ARHGAP10: variants seen among roughly 807,000 people sequenced by gnomAD.
The protein encoded by ARHGAP10 is Rho GTPase activating protein 10.
ARHGAP10 carries 87 observed loss-of-function variants against 108.6 expected under a neutral mutation model. The observed-to-expected ratio is 0.80, with a 90% CI of 0.67 to 0.96. The LOEUF is 0.96. Ranked by LOEUF, ARHGAP10 falls within the 40% of genes least tolerant of loss-of-function variation. The pLI is 0.00. For synonymous variants in ARHGAP10, 347 were observed against 341.1 expected, an observed-to-expected ratio of 1.02 and a Z score of -0.19; for missense variants, 939 against 954.5, an observed-to-expected ratio of 0.98 and a Z score of 0.21.
chr4:147,804,815 T>A (rs1731718483), intron 1 of ARHGAP10, among the ~76,000 whole-genome samples: 1 of 152,206 alleles, frequency 6.6e-6, no homozygotes, highest in Non-Finnish European at 1.5e-5. Flanking sequence ...TTGCCCACTT[T>A]TTAATGAGGT....
chr4:147,836,656 A>G (rs1471142032), intron 3 of ARHGAP10, among the ~76,000 whole-genome samples: 1 of 142,324 alleles, frequency 7.0e-6, no homozygotes, highest in African/African-American at 2.5e-5. Context: ...CCTTAAATCT[A>G]AGTACCAAGT....
At chr4:147,774,436 C>A (rs1051407007) in intron 1 of ARHGAP10, among the ~76,000 whole-genome samples, 13 of 152,260 alleles carry the variant, frequency 8.5e-5, no homozygotes, top group African/African-American at 3.1e-4. Flanking sequence ...AAAACATGAC[C>A]TGGGTTTGTG....
rs28496289 is a variant in ARHGAP10 at position 147,918,220 on chromosome 4, C to G, written c.1228+5081C>G. 6.2e-3 allele frequency among the ~76,000 whole-genome samples: 918 copies of G among 148,252 alleles called. 12 individuals carry two copies. The highest frequency in any genetic ancestry group is 0.022 in the African/African-American group (875 of 39,350). On this transcript the variant is annotated intron_variant, in intron 13 of 22. Coordinates refer to ENST00000336498, the MANE Select transcript of ARHGAP10 (RefSeq NM_024605.4). Reference sequence around the variant, plus strand: ...GCTTGATCTCGGCTCACTGCAAGCTCTGTCTCCTGGGTTCACACCATTCTC... The same window carrying G: ...GCTTGATCTCGGCTCACTGCAAGCTGTGTCTCCTGGGTTCACACCATTCTC...
At chr4:148,000,803 GTTCT>G (rs1740686931) in intron 18 of ARHGAP10, among the ~76,000 whole-genome samples, 1 of 152,160 alleles carries the variant, frequency 6.6e-6, no homozygotes, top group Admixed American at 6.5e-5. Context: ...ATTTGTTTGA[GTTCT>G]TTGTGATTCT....
chr4:147,828,414 G>A (rs1248714728), intron 3 of ARHGAP10, among the ~76,000 whole-genome samples: 1 of 152,206 alleles, frequency 6.6e-6, no homozygotes, highest in Non-Finnish European at 1.5e-5. Context: ...TAAATAGGCT[G>A]TATTAAGTAT....
chr4:147,838,990 C>T (rs1470416882), intron 3 of ARHGAP10, among the ~76,000 whole-genome samples: 1 of 152,094 alleles, frequency 6.6e-6, no homozygotes, highest in Admixed American at 6.6e-5. Flanking sequence ...ATGGGAAAGT[C>T]CACTCCTTTA....
chr4:147,773,337 C>A (rs560257754), intron 1 of ARHGAP10, among the ~76,000 whole-genome samples: 11 of 152,194 alleles, frequency 7.2e-5, no homozygotes, highest in African/African-American at 2.6e-4. Flanking sequence ...TTTGCTGCAT[C>A]CTATATGCCT....
At chr4:147,854,823 A>G (rs1734024067) in intron 4 of ARHGAP10, 1 of 985,444 alleles carries the variant, frequency 1.0e-6, no homozygotes, top group Non-Finnish European at 1.2e-6. Flanking sequence ...ATGGACGAAG[A>G]TATTTCTATT....
intron 4 of ARHGAP10, among the ~76,000 whole-genome samples, chr4:147,856,972 C>T (rs148042771): frequency 8.5e-4 from 129 of 152,322 alleles, no homozygotes; most frequent in African/African-American, 2.9e-3. Context: ...CACGCCTCAG[C>T]CTCCTGAGTA....
At chr4:147,977,908 A>C (rs1288281111) in intron 18 of ARHGAP10, among the ~76,000 whole-genome samples, 1 of 151,916 alleles carries the variant, frequency 6.6e-6, no homozygotes, top group Non-Finnish European at 1.5e-5. Flanking sequence ...GAAAACATGT[A>C]GTAGTTCGTT....
chr4:147,743,328 G>A (rs1310088151), intron 1 of ARHGAP10, among the ~76,000 whole-genome samples: 1 of 152,086 alleles, frequency 6.6e-6, no homozygotes, highest in Non-Finnish European at 1.5e-5. Context: ...ACCGCGCCCA[G>A]CCGATAGTTT....
At chr4:147,766,511 G>T (rs1729819210) in intron 1 of ARHGAP10, among the ~76,000 whole-genome samples, 1 of 151,298 alleles carries the variant, frequency 6.6e-6, no homozygotes, top group Admixed American at 6.6e-5. Flanking sequence ...ATCCATGGAT[G>T]CAGAACTCAT....
At chr4:147,908,864 A>G (rs1245344939) in intron 11 of ARHGAP10, among the ~76,000 whole-genome samples, 1 of 152,186 alleles carries the variant, frequency 6.6e-6, no homozygotes, top group Non-Finnish European at 1.5e-5. Flanking sequence ...CTCATTTGGT[A>G]TACCTCAGGG....
At chr4:147,803,286 G>A (rs567517830) in intron 1 of ARHGAP10, among the ~76,000 whole-genome samples, 2 of 152,342 alleles carry the variant, frequency 1.3e-5, no homozygotes, top group East Asian at 1.9e-4. Flanking sequence ...TGGGATTACA[G>A]GCATGAGCCA....
At chr4:147,736,252 T>C (rs192709320) in intron 1 of ARHGAP10, among the ~76,000 whole-genome samples, 236 of 152,242 alleles carry the variant, frequency 1.6e-3, no homozygotes, top group Middle Eastern at 3.4e-3. Context: ...GACAAGAATT[T>C]AGGTCTTCCG....
chr4:147,949,531 C>G (rs1445750098), intron 15 of ARHGAP10, among the ~76,000 whole-genome samples: 1 of 152,128 alleles, frequency 6.6e-6, no homozygotes, highest in Non-Finnish European at 1.5e-5. Context: ...CATCTGACAT[C>G]CTGCAGTACA....
chr4:148,000,628 G>A (rs954725266), intron 18 of ARHGAP10, among the ~76,000 whole-genome samples: 2 of 152,204 alleles, frequency 1.3e-5, no homozygotes, highest in Non-Finnish European at 2.9e-5. Context: ...TCTAACTGGT[G>A]TGAGATGGTA....
At chr4:147,770,450 G>A (rs759025625) in intron 1 of ARHGAP10, among the ~76,000 whole-genome samples, 9 of 152,118 alleles carry the variant, frequency 5.9e-5, no homozygotes, top group Non-Finnish European at 8.8e-5. Flanking sequence ...GCTTGAACCC[G>A]GGAGGCGGAG....
intron 1 of ARHGAP10, among the ~76,000 whole-genome samples, chr4:147,783,917 A>G (rs921113453): frequency 1.5e-5 from 2 of 131,328 alleles, no homozygotes; most frequent in African/African-American, 5.7e-5. Flanking sequence ...AACACACATT[A>G]AATTGTGTAT....
Sources: allele counts gnomAD v4.1 joint callset (sites outside exome capture counted in the v4.1 genomes callset), GRCh38; gene constraint gnomAD v4.1.1; transcripts MANE v1.5; gene names NCBI Gene and HGNC (gene_info 2026-07-23, HGNC 2026-07-21).